The following RGS5 variants were observed in gnomAD, a reference collection of about 807,000 sequenced individuals.
RGS5 encodes regulator of G protein signaling 5.
Under a neutral mutation model 18.9 loss-of-function variants are expected in RGS5, and 20 were observed. The observed-to-expected ratio is 1.06, with a 90% CI of 0.74 to 1.54. The LOEUF (loss-of-function observed/expected upper bound fraction) is 1.54. Among genes scored for constraint, RGS5 ranks in the 40% most tolerant of loss-of-function variants. The pLI is 0.00. For synonymous variants in RGS5, 57 were observed against 76.2 expected (o/e 0.75, Z 1.31); for missense variants, 201 against 211.8 (o/e 0.95, Z 0.32).
At position 163,236,606 on chromosome 1, in the gene RGS5, G is replaced by A. The variant is rs141452881; in HGVS notation, c.-280-68238C>T. Among the ~76,000 whole-genome samples the A allele has an allele frequency of 2.4e-4, 37 of 152,046 alleles. No homozygotes were observed. The East Asian group carries it at 5.0e-3, about 21-fold the overall frequency. On this transcript the variant is annotated intron_variant, in intron 2 of 5. Coordinates refer to the RGS5 transcript ENST00000618415. ...AATCTATATAGAAGATATAAATACCGCCTACAAACCAGCAATATAATAGGA... is the reference window on the plus strand; with the variant it reads ...AATCTATATAGAAGATATAAATACCACCTACAAACCAGCAATATAATAGGA...
intron 1 of RGS5, among the ~76,000 whole-genome samples, chr1:163,178,784 T>C (rs1658676161): frequency 6.6e-6 from 1 of 152,152 alleles, no homozygotes; most frequent in African/African-American, 2.4e-5. Flanking sequence ...AAAATGGTGA[T>C]GAAACCATGG....
At chr1:163,300,187 A>G (rs1649517603) in intron 2 of RGS5, among the ~76,000 whole-genome samples, 1 of 152,202 alleles carries the variant, frequency 6.6e-6, no homozygotes, top group African/African-American at 2.4e-5. Flanking sequence ...GAATCCCATG[A>G]TGGTCTAAGG....
chr1:163,213,109 A>G (rs994952135), intron 1 of RGS5: 1 of 152,202 alleles, frequency 6.6e-6, no homozygotes, highest in East Asian at 1.9e-4. Flanking sequence ...CTTTTGCTGT[A>G]CATAGTTATT....
chr1:163,194,574 A>T (rs1659485796), intron 1 of RGS5, among the ~76,000 whole-genome samples: 3 of 152,116 alleles, frequency 2.0e-5, no homozygotes, highest in African/African-American at 7.2e-5. Flanking sequence ...GTTACAGCTC[A>T]GGTGCCTGTA....
intron 1 of RGS5, among the ~76,000 whole-genome samples, chr1:163,170,391 T>C (rs1658246480): frequency 6.6e-6 from 1 of 152,212 alleles, no homozygotes; most frequent in African/African-American, 2.4e-5. Context: ...ACAAATCTGC[T>C]AACATTTACC....
chr1:163,239,490 A>G (rs1647727999), intron 2 of RGS5, among the ~76,000 whole-genome samples: 1 of 148,828 alleles, frequency 6.7e-6, no homozygotes, highest in African/African-American at 2.4e-5. Context: ...CGTCTCTTAA[A>G]AAAAAAAAAA....
intron 2 of RGS5, among the ~76,000 whole-genome samples, chr1:163,278,299 C>T (rs1276611317): frequency 2.0e-5 from 3 of 152,084 alleles, no homozygotes; most frequent in Admixed American, 2.0e-4. Context: ...CTCCATCAGA[C>T]TAACAGATTT....
intron 1 of RGS5, among the ~76,000 whole-genome samples, chr1:163,316,465 A>T (rs1182645235): frequency 2.0e-5 from 3 of 152,196 alleles, no homozygotes; most frequent in Non-Finnish European, 1.5e-5. Context: ...GGCATCAATA[A>T]TACAACCATA....
At chr1:163,263,517 A>T (rs1648503880) in intron 2 of RGS5, among the ~76,000 whole-genome samples, 1 of 152,130 alleles carries the variant, frequency 6.6e-6, no homozygotes, top group African/African-American at 2.4e-5. Context: ...CTGGGTAGGA[A>T]AGGAGCCCCA....
chr1:163,308,256 G>A (rs1223766099), intron 1 of RGS5, among the ~76,000 whole-genome samples: 5 of 152,062 alleles, frequency 3.3e-5, no homozygotes, highest in Non-Finnish European at 7.4e-5. Flanking sequence ...TAGAAACTGT[G>A]CCATTCTAAA....
rs531548091 is a variant in RGS5, at chr1:163,210,578, A to G, written c.69+6948T>C. 6.6e-5 allele frequency among the ~76,000 whole-genome samples: 10 copies of G among 152,304 alleles called. No homozygotes were observed. In the East Asian group the frequency reaches 1.9e-3, roughly 29 times the overall value. ...TCTCAATTCAAACTATAGTTCTATCACTGTCTAACTGTGACACTGGGCAAA... is the reference window on the plus strand; with the variant it reads ...TCTCAATTCAAACTATAGTTCTATCGCTGTCTAACTGTGACACTGGGCAAA... On this transcript the variant is annotated intron_variant, in intron 1 of 5. Transcript: ENST00000367903.
At chr1:163,190,288 G>A (rs1200453488) in intron 1 of RGS5, among the ~76,000 whole-genome samples, 1 of 152,150 alleles carries the variant, frequency 6.6e-6, no homozygotes, top group Non-Finnish European at 1.5e-5. Context: ...TTTTGGACTA[G>A]AGAATTTCCA....
intron 2 of RGS5, among the ~76,000 whole-genome samples, chr1:163,293,281 T>C (rs560969437): frequency 6.6e-6 from 1 of 152,228 alleles, no homozygotes; most frequent in South Asian, 2.1e-4. Context: ...AGAGGCTTAA[T>C]TGACTCACAG....
chr1:163,152,614 G>A lies in RGS5; in HGVS notation c.320C>T (p.Ala107Val). Reference protein sequence around the residue: ...CEDYKKIKSPAKMAEKAKQIY... With the variant: ...CEDYKKIKSPVKMAEKAKQIY... ...TTGCTTTGCCTTCTCAGCCATCTTG[G>A]CAGGGGACTTGATCTTCTTGTAATC... The change falls in exon 4 of 5, where the codon GCC (alanine) becomes GTC (valine). Residue 107 changes from alanine to valine, a missense_variant. Coordinates refer to ENST00000313961, the MANE Select transcript of RGS5 (RefSeq NM_003617.4). The A allele has an allele frequency of 6.2e-6, 10 of 1,612,746 alleles. No individual in the cohort carries two copies. Among genetic ancestry groups the A allele is most frequent in the Non-Finnish European group, 7.6e-6 (9 of 1,179,220 alleles).
intron 2 of RGS5, among the ~76,000 whole-genome samples, chr1:163,284,841 A>G: frequency 6.7e-6 from 1 of 148,226 alleles, no homozygotes; most frequent in Middle Eastern, 3.2e-3. Flanking sequence ...AGTTCAAGTT[A>G]TTTCACTAGG....
intron 2 of RGS5, among the ~76,000 whole-genome samples, chr1:163,272,759 C>A (rs1274306879): frequency 2.0e-5 from 3 of 152,080 alleles, no homozygotes; most frequent in African/African-American, 7.2e-5. Flanking sequence ...TTCTGTTCCA[C>A]TGATCTCAAC....
At chr1:163,309,126 G>A (rs1409099875) in intron 1 of RGS5, among the ~76,000 whole-genome samples, 1 of 152,040 alleles carries the variant, frequency 6.6e-6, no homozygotes, top group Admixed American at 6.6e-5. Context: ...GAGGCAGGAG[G>A]ATCACTTGAG....
chr1:163,239,994 A>G (rs1647744184), intron 2 of RGS5, among the ~76,000 whole-genome samples: 1 of 152,072 alleles, frequency 6.6e-6, no homozygotes, highest in African/African-American at 2.4e-5. Flanking sequence ...TAAATAAATG[A>G]GTGCCTCAAA....
chr1:163,312,186 TC>T (rs1259168369), intron 1 of RGS5, among the ~76,000 whole-genome samples: 2 of 152,140 alleles, frequency 1.3e-5, no homozygotes, highest in Non-Finnish European at 2.9e-5. Flanking sequence ...CCCCTTGGCT[TC>T]CTTCACTTGC....
Sources: gnomAD v4.1 joint callset for allele counts (sites outside exome capture counted in the v4.1 genomes callset) on GRCh38, gnomAD v4.1.1 for gene constraint, MANE v1.5 for transcripts, NCBI Gene and HGNC (gene_info 2026-07-23, HGNC 2026-07-21) for gene names.